DLC1: variants seen among roughly 807,000 people sequenced by gnomAD.
DLC1 encodes rho GTPase-activating protein 7.
DLC1 carries 54 observed loss-of-function variants against 140.3 expected under a neutral mutation model. The observed-to-expected ratio is 0.38, with a 90% confidence interval of 0.31 to 0.48. The LOEUF (loss-of-function observed/expected upper bound fraction) is 0.48, where lower values mean the gene tolerates loss of function less well. Ranked by LOEUF, DLC1 falls within the 20% of genes least tolerant of loss-of-function variation. The probability of loss-of-function intolerance (pLI) is 0.96; values close to 1 mark genes in which losing one functional copy is unlikely to be tolerated. For missense variants in DLC1, 2,536 were observed against 1,907.0 expected, an observed-to-expected ratio of 1.33 and a Z score of -6.14; for synonymous variants, 986 against 728.1, an observed-to-expected ratio of 1.35 and a Z score of -5.70.
At chr8:13,584,189 G>T (rs1805221955) in intron 1 of DLC1, 1 of 153,344 alleles carries the variant, frequency 6.5e-6, no homozygotes, top group African/African-American at 2.4e-5. Flanking sequence ...TCCTGTGGCT[G>T]GATCTAGACA....
At chr8:13,497,476 G>A (rs1801567231) in intron 2 of DLC1, among the ~76,000 whole-genome samples, 2 of 152,180 alleles carry the variant, frequency 1.3e-5, no homozygotes, top group Non-Finnish European at 2.9e-5. Flanking sequence ...GCTTAAAATA[G>A]AAAATTTAAG....
At chr8:13,195,517 G>C (rs538589013) in intron 5 of DLC1, among the ~76,000 whole-genome samples, 3 of 152,154 alleles carry the variant, frequency 2.0e-5, no homozygotes, top group African/African-American at 7.2e-5. Context: ...TGGAAATGAG[G>C]ATGCTTAATT....
At chr8:13,116,938 C>A (rs1193011874) in intron 5 of DLC1, among the ~76,000 whole-genome samples, 3 of 152,120 alleles carry the variant, frequency 2.0e-5, no homozygotes, top group Non-Finnish European at 4.4e-5. Flanking sequence ...AGACTTAGGA[C>A]CGAAATGGGA....
chr8:13,309,303 G>C (rs1467651187), intron 4 of DLC1, among the ~76,000 whole-genome samples: 1 of 152,086 alleles, frequency 6.6e-6, no homozygotes, highest in East Asian at 1.9e-4. Context: ...TGAAAGGGGA[G>C]AAAAATCATC....
chr8:13,518,664 C>T (rs149965950), upstream of DLC1, among the ~76,000 whole-genome samples: 234 of 152,168 alleles, frequency 1.5e-3, 1 homozygote, highest in African/African-American at 5.3e-3. Flanking sequence ...TGATATTATG[C>T]GTGGAAGTCA....
At chr8:13,533,382 T>G (rs1428855339) in intron 1 of DLC1, among the ~76,000 whole-genome samples, 2 of 152,164 alleles carry the variant, frequency 1.3e-5, no homozygotes, top group African/African-American at 4.8e-5. Flanking sequence ...GAAGCCCCAG[T>G]CAACAACTAT....
chr8:13,120,356 A>ATATATATATATATATATAT (rs1554577889), intron 5 of DLC1, among the ~76,000 whole-genome samples: 2 of 61,122 alleles, frequency 3.3e-5, no homozygotes, highest in Admixed American at 5.3e-4. Context: ...AAAAAAAAAA[A>ATATATATATATATATATAT]ATATATATAT....
At chr8:13,413,255 G>GTTTTTTTTTTTTTTTTTTTTTTTT (rs1461897724) in intron 2 of DLC1, among the ~76,000 whole-genome samples, 1 of 30,140 alleles carries the variant, frequency 3.3e-5, no homozygotes, top group Non-Finnish European at 8.7e-5. Flanking sequence ...ATTTTTTTGC[G>GTTTTTTTTTTTTTTTTTTTTTTTT]ATTTTTTTTT....
chr8:13,129,421 C>T (rs1821892809), intron 5 of DLC1, among the ~76,000 whole-genome samples: 1 of 152,188 alleles, frequency 6.6e-6, no homozygotes, highest in African/African-American at 2.4e-5. Flanking sequence ...TTAGTTCACC[C>T]AGACTGCAAC....
At chr8:13,443,124 T>A (rs1373160132) in intron 2 of DLC1, among the ~76,000 whole-genome samples, 1 of 149,732 alleles carries the variant, frequency 6.7e-6, no homozygotes, top group Non-Finnish European at 1.5e-5. Flanking sequence ...AAACACTGCA[T>A]GTTCTGACTC....
chr8:13,152,998 C>G (rs1361325634), intron 5 of DLC1, among the ~76,000 whole-genome samples: 1 of 152,094 alleles, frequency 6.6e-6, no homozygotes, highest in Non-Finnish European at 1.5e-5. Flanking sequence ...TAGCATGTTG[C>G]CTCCGCATAT....
intron 10 of DLC1, among the ~76,000 whole-genome samples, chr8:13,097,445 G>A (rs1818598427): frequency 6.6e-6 from 1 of 151,958 alleles, no homozygotes; most frequent in South Asian, 2.1e-4. Context: ...TGTATTTTTA[G>A]TAGAGATGGG....
rs985277201 is a variant in DLC1, at chr8:13,098,552, A to C, written c.3014T>G (p.Phe1005Cys). 1 of 1,614,034 alleles carries C rather than the reference A, an allele frequency of 6.2e-7. No homozygotes were observed. Among genetic ancestry groups the C allele is most frequent in the African/African-American group, 1.3e-5 (1 of 74,926 alleles). Residue 1005 changes from phenylalanine to cysteine, a missense_variant, in exon 10 of 18, where the codon TTC becomes TGC. Transcript: ENST00000276297. Reference protein sequence around the residue: ...SNRHRLRWHSFQSSHRPSLNS... With the variant: ...SNRHRLRWHSCQSSHRPSLNS... ...GAGGCTTGGCCGATGTGAGCTCTGG[A>C]AACTGTGCCATCTCAGTCGGTGCCT... is the stretch of plus-strand genomic sequence containing the variant.
intron 2 of DLC1, among the ~76,000 whole-genome samples, chr8:13,402,441 G>A (rs985348613): frequency 6.6e-6 from 1 of 152,074 alleles, no homozygotes; most frequent in Non-Finnish European, 1.5e-5. Flanking sequence ...ATTAGGATGG[G>A]GTACGGTATT....
At chr8:13,450,821 A>G (rs1799004773) in intron 2 of DLC1, among the ~76,000 whole-genome samples, 1 of 152,002 alleles carries the variant, frequency 6.6e-6, no homozygotes, top group Non-Finnish European at 1.5e-5. Flanking sequence ...TGGGCGGATC[A>G]GGAGGTCAAG....
intron 5 of DLC1, 42 bp downstream of exon 5, chr8:13,305,227 A>G (rs1409774070): frequency 3.1e-6 from 5 of 1,606,136 alleles, no homozygotes; most frequent in Non-Finnish European, 4.2e-6. Context: ...AATTTATTCT[A>G]AAATAGATTG....
intron 5 of DLC1, among the ~76,000 whole-genome samples, chr8:13,236,150 A>G (rs1431626706): frequency 6.6e-6 from 1 of 152,056 alleles, no homozygotes; most frequent in African/African-American, 2.4e-5. Context: ...GGTAGAATCT[A>G]TTGTAGTTTT....
chr8:13,543,686 T>C (rs1483979824), intron 1 of DLC1, among the ~76,000 whole-genome samples: 1 of 152,180 alleles, frequency 6.6e-6, no homozygotes, highest in African/African-American at 2.4e-5. Flanking sequence ...ATAATGTCTT[T>C]TGTAGCAACT....
At chr8:13,603,780 G>T (rs1805963023) in intron 1 of DLC1, among the ~76,000 whole-genome samples, 2 of 152,050 alleles carry the variant, frequency 1.3e-5, no homozygotes, top group African/African-American at 4.8e-5. Flanking sequence ...GAAAGCCATG[G>T]TATCTGTTCA....
Sources: allele counts gnomAD v4.1 joint callset (sites outside exome capture counted in the v4.1 genomes callset), GRCh38; gene constraint gnomAD v4.1.1; transcripts MANE v1.5; gene names NCBI Gene and HGNC (gene_info 2026-07-23, HGNC 2026-07-21).